The following PHIP variants were observed in gnomAD, a reference collection of about 807,000 sequenced individuals.
The protein encoded by PHIP is PH-interacting protein.
Under a neutral mutation model 236.8 loss-of-function variants are expected in PHIP, and 54 were observed. That is an observed-to-expected ratio of 0.23 (90% confidence interval 0.18 to 0.29). The LOEUF is 0.29. Ranked by LOEUF, PHIP falls within the 10% of genes least tolerant of loss-of-function variation. The pLI is 1.00. For synonymous variants in PHIP, 756 were observed against 718.9 expected (o/e 1.05, Z -0.83); for missense variants, 1,370 against 2,190.8 (o/e 0.63, Z 7.48).
chr6:79,026,978 A>T (rs1771437420), intron 7 of PHIP, among the ~76,000 whole-genome samples: 1 of 152,086 alleles, frequency 6.6e-6, no homozygotes, highest in Non-Finnish European at 1.5e-5. Context: ...TAAAAGAGAA[A>T]ACACACACTT....
intron 21 of PHIP, among the ~76,000 whole-genome samples, chr6:78,986,532 G>C (rs1212734501): frequency 1.3e-5 from 2 of 152,310 alleles, no homozygotes; most frequent in South Asian, 2.1e-4. Flanking sequence ...AAAAATTTGA[G>C]AATTTTGCCC....
chr6:78,946,353 T>C lies in PHIP; in HGVS notation c.4371-93A>G, dbSNP rs1773818246. The C allele has an allele frequency of 9.9e-6, 14 of 1,417,288 alleles. No homozygotes were observed. In the Middle Eastern group the frequency reaches 6.6e-4, roughly 66 times the overall value. 87.8% of individuals were successfully genotyped at this position (1,417,288 alleles called of 1,614,324 possible). A position where few individuals can be genotyped will look rare whatever the true frequency, so the allele number is the denominator to read the frequency against. On this transcript the variant is annotated intron_variant, in intron 37 of 39. Coordinates refer to ENST00000275034, the MANE Select transcript of PHIP (RefSeq NM_017934.7). The stretch of plus-strand genomic sequence containing the variant: ...ATTTTTGGATTCAATATTTGTACTA[T>C]TATGAAATATGTTAAAATATGAGAT...
At chr6:79,054,667 T>C (rs1023423652) in intron 6 of PHIP, among the ~76,000 whole-genome samples, 1 of 150,772 alleles carries the variant, frequency 6.6e-6, no homozygotes, top group Non-Finnish European at 1.5e-5. Context: ...ATTTGTAATA[T>C]AAAAAAATTC....
intron 24 of PHIP, among the ~76,000 whole-genome samples, chr6:78,975,637 C>A (rs1251270621): frequency 1.3e-5 from 2 of 152,146 alleles, no homozygotes; most frequent in South Asian, 4.1e-4. Context: ...ACTGTCTCAG[C>A]CCAAAATCTC....
chr6:78,966,992 T>A (rs1365844565), intron 27 of PHIP, among the ~76,000 whole-genome samples: 2 of 152,224 alleles, frequency 1.3e-5, no homozygotes, highest in East Asian at 1.9e-4. Flanking sequence ...GACTAATGAG[T>A]TCTATTAAAG....
chr6:78,969,762 G>T, intron 27 of PHIP, 73 bp downstream of exon 27: 1 of 669,030 alleles, frequency 1.5e-6, no homozygotes, highest in South Asian at 2.4e-5. Context: ...TCTCAATTAT[G>T]AAAAATAGTA....
intron 6 of PHIP, among the ~76,000 whole-genome samples, chr6:79,054,353 A>G (rs1479555680): frequency 6.6e-6 from 1 of 151,380 alleles, no homozygotes; most frequent in Non-Finnish European, 1.5e-5. Context: ...AAAAAAAAAA[A>G]AGCGAAGTAT....
At chr6:78,946,668 A>T (rs764453972) in intron 37 of PHIP, 43 bp downstream of exon 37, 9 of 1,491,162 alleles carry the variant, frequency 6.0e-6, no homozygotes. Context: ...CATTTAGATG[A>T]AAGTTATAGA....
intron 21 of PHIP, among the ~76,000 whole-genome samples, chr6:78,986,972 A>G (rs1168854392): frequency 1.3e-5 from 2 of 152,166 alleles, no homozygotes; most frequent in African/African-American, 4.8e-5. Context: ...TTCCAAATAC[A>G]AAATACTAAA....
intron 7 of PHIP, among the ~76,000 whole-genome samples, chr6:79,029,203 C>A (rs1771542047): frequency 6.6e-6 from 1 of 152,142 alleles, no homozygotes; most frequent in Non-Finnish European, 1.5e-5. Context: ...AAAAATCTCT[C>A]CATTATCCTC....
At chr6:78,985,274 C>T (rs996137664) in intron 22 of PHIP, 78 bp downstream of exon 22, 40 of 776,918 alleles carry the variant, frequency 5.1e-5, no homozygotes, top group Non-Finnish European at 7.6e-5. Flanking sequence ...GACTTTGAAA[C>T]GTGTTGCTGG....
intron 9 of PHIP, among the ~76,000 whole-genome samples, chr6:79,023,599 A>G (rs1046984137): frequency 1.2e-4 from 19 of 152,104 alleles, no homozygotes; most frequent in African/African-American, 4.1e-4. Context: ...ATAAATATCT[A>G]TGGTAAAATA....
chr6:78,991,030 A>C, intron 19 of PHIP, 45 bp from the exon 20 acceptor site: 3 of 1,154,992 alleles, frequency 2.6e-6, no homozygotes, highest in Non-Finnish European at 3.8e-6. Flanking sequence ...TTTTACACAT[A>C]ACTTTCCTCC....
chr6:78,946,810 T>C lies in PHIP; in HGVS notation c.4271A>G (p.Asp1424Gly). The C allele has an allele frequency of 6.3e-7, 1 of 1,593,890 alleles. No individual in the cohort carries two copies. Among genetic ancestry groups the C allele is most frequent in the Non-Finnish European group, 8.5e-7 (1 of 1,170,428 alleles). Residue 1424 changes from aspartate to glycine, a missense_variant, in exon 37 of 40, where the codon GAT (aspartate) becomes GGT (glycine). This residue lies in a region of PHIP where 125 missense variants were observed against 235.1 expected (regional missense o/e 0.53). Coordinates refer to ENST00000275034, the MANE Select transcript of PHIP (RefSeq NM_017934.7). ...FEEHISSVLS[D>G]YKSALRFHKR... is the part of the protein sequence containing the mutation. ...ATGAAAACGAAGAGCAGATTTATAA[T>C]CTGATAAAACTGAACTAATGTGTTC...
chr6:78,998,527 G>T, intron 17 of PHIP, 136 bp from the exon 18 acceptor site: 4 of 563,392 alleles, frequency 7.1e-6, no homozygotes, highest in South Asian at 3.0e-5. Context: ...AACTATAAAT[G>T]ATGGGAGTTA....
chr6:79,035,523 T>C (rs879408152), intron 7 of PHIP, among the ~76,000 whole-genome samples: 9 of 152,214 alleles, frequency 5.9e-5, no homozygotes, highest in Non-Finnish European at 1.3e-4. Context: ...AAAGAAATTA[T>C]GTGATTTTTT....
At chr6:78,945,855 T>G in intron 38 of PHIP, 146 bp downstream of exon 38, 1 of 667,672 alleles carries the variant, frequency 1.5e-6, no homozygotes, top group Non-Finnish European at 2.5e-6. Context: ...TTAAAAACTT[T>G]TTTTTAAAAT....
At chr6:79,057,653 G>A (rs1773139702) in intron 6 of PHIP, among the ~76,000 whole-genome samples, 1 of 152,014 alleles carries the variant, frequency 6.6e-6, no homozygotes, top group Non-Finnish European at 1.5e-5. Flanking sequence ...CTGATACTTG[G>A]TAATACCACA....
At chr6:79,068,610 C>A (rs1161655702) in intron 4 of PHIP, among the ~76,000 whole-genome samples, 1 of 152,170 alleles carries the variant, frequency 6.6e-6, no homozygotes, top group Admixed American at 6.5e-5. Context: ...ACAACAGTCA[C>A]CACCTTGGAA....
Sources: allele counts gnomAD v4.1 joint callset (sites outside exome capture counted in the v4.1 genomes callset), GRCh38; gene constraint gnomAD v4.1.1; regional missense constraint gnomAD v4.1.1; transcripts MANE v1.5; gene names NCBI Gene and HGNC (gene_info 2026-07-23, HGNC 2026-07-21).